The following MAEA variants were observed in gnomAD, a reference collection of about 807,000 sequenced individuals.
MAEA encodes macrophage erythroblast attacher, E3 ubiquitin ligase, also known as E3 ubiquitin-protein transferase MAEA.
Under a neutral mutation model 46.2 loss-of-function variants are expected in MAEA, and 22 were observed. That is an observed-to-expected ratio of 0.48 (90% CI 0.34 to 0.68). The LOEUF is 0.68. MAEA is among the 30% of genes least tolerant of loss of function. The probability of loss-of-function intolerance (pLI) is 0.01; values close to 1 mark genes in which losing one functional copy is unlikely to be tolerated. For synonymous variants in MAEA, 246 were observed against 222.6 expected (o/e 1.11, Z -0.94); for missense variants, 393 against 558.1 (o/e 0.70, Z 2.98).
At position 1,329,559 on chromosome 4, in the gene MAEA, G is replaced by A. The variant is rs538450563; in HGVS notation, c.656+1856G>A. On this transcript the variant is annotated intron_variant, in intron 5 of 8. Coordinates refer to ENST00000303400, the MANE Select transcript of MAEA (RefSeq NM_001017405.3). ...ATGGCAAACAACACCCCAGTGTCTC[G>A]GGGGCAGGCGCAGTGTGAGCTACAT... 68 of 985,384 alleles carry A rather than the reference G, an allele frequency of 6.9e-5. No homozygotes were observed. The South Asian group carries it at 2.2e-3, about 31-fold the overall frequency. The allele number at this position is 985,384 out of a possible 1,614,324, so 61.0% of individuals were successfully genotyped here.
rs959877439 is a variant in MAEA, at chr4:1,322,607, T to C, written c.579+104T>C. 17 of 1,498,372 alleles carry C rather than the reference T, an allele frequency of 1.1e-5. No homozygotes were observed. The African/African-American group carries it at 2.2e-4, about 20-fold the overall frequency. 92.8% of individuals were successfully genotyped at this position (1,498,372 alleles called of 1,614,324 possible). The stretch of plus-strand genomic sequence containing the variant: ...GCCTGGTGGTTCACAGTAGTTTGGT[T>C]TTGGTTTGTAAGGTGGGGGTTGGGT... On this transcript the variant is annotated intron_variant, in intron 4 of 8. Coordinates refer to ENST00000303400, the MANE Select transcript of MAEA (RefSeq NM_001017405.3).
intron 4 of MAEA, chr4:1,323,379 G>T: frequency 1.5e-6 from 1 of 658,246 alleles, no homozygotes; most frequent in South Asian, 1.6e-5. Context: ...TAACACTTCT[G>T]CCTCCATTAG....
chr4:1,335,392 A>G, intron 6 of MAEA: 1 of 985,394 alleles, frequency 1.0e-6, no homozygotes, highest in Non-Finnish European at 1.2e-6. Flanking sequence ...AGTCAGCACC[A>G]GCCCTGTGGC....
At position 1,311,138 on chromosome 4, in the gene MAEA, G is replaced by T. The variant is rs1431438400; in HGVS notation, c.70-841G>T. Among the ~76,000 whole-genome samples, 1 of 152,258 alleles carries T rather than the reference G, an allele frequency of 6.6e-6. No individual in the cohort carries two copies. The highest frequency in any genetic ancestry group is 2.4e-5 in the African/African-American group (1 of 41,480). ...GTTCTGGCACAGCTGCGACGGCAGAGTTGGGCCCACTGCTCTTGGGCGGCA... is the reference window on the plus strand; with the variant it reads ...GTTCTGGCACAGCTGCGACGGCAGATTTGGGCCCACTGCTCTTGGGCGGCA... On this transcript the variant is annotated intron_variant, in intron 1 of 8. Transcript: ENST00000303400. This position sits in a 1 kb window ranked among gnomAD's most constrained non-coding sequence, Gnocchi z 4.4.
intron 1 of MAEA, among the ~76,000 whole-genome samples, chr4:1,310,673 C>T (rs768746300): frequency 3.3e-5 from 5 of 152,300 alleles, no homozygotes; most frequent in East Asian, 3.9e-4. Flanking sequence ...CTGGTGTGGA[C>T]GAGAGCGTGT....
chr4:1,292,372 G>A (rs912734008), intron 1 of MAEA, among the ~76,000 whole-genome samples: 1 of 152,174 alleles, frequency 6.6e-6, no homozygotes, highest in Non-Finnish European at 1.5e-5. Context: ...AGGGCGGCTG[G>A]TGGGGCTCCT....
chr4:1,299,101 T>C (rs1397646641), intron 1 of MAEA, among the ~76,000 whole-genome samples: 1 of 152,120 alleles, frequency 6.6e-6, no homozygotes, highest in African/African-American at 2.4e-5. Flanking sequence ...CTGGTCTCCA[T>C]CTCTTGGGCT....
At chr4:1,330,310 T>TTCTC (rs138157261) in intron 5 of MAEA, 23 of 130,360 alleles carry the variant, frequency 1.8e-4, no homozygotes, top group South Asian at 2.2e-4. Flanking sequence ...TTCTGGGTGT[T>TTCTC]TCTCTCTCTC....
chr4:1,297,185 C>T (rs547404457), intron 1 of MAEA, among the ~76,000 whole-genome samples: 63 of 152,382 alleles, frequency 4.1e-4, no homozygotes, highest in African/African-American at 1.4e-3. Flanking sequence ...CAGTTGACAG[C>T]GATGTCCCCC....
At position 1,334,039 on chromosome 4, in the gene MAEA, CATGTGCTCA is replaced by C. The variant is rs1712329261; in HGVS notation, c.765+1175_765+1183del. Among the ~76,000 whole-genome samples the C allele has an allele frequency of 4.6e-5, 2 of 43,548 alleles. 1 individual carries two copies. The highest frequency in any genetic ancestry group is 9.2e-5 in the Non-Finnish European group (2 of 21,836). 28.6% of individuals were successfully genotyped at this position (43,548 alleles called of 152,430 possible). A position where few individuals can be genotyped will look rare whatever the true frequency, so the allele number is the denominator to read the frequency against. On this transcript the variant is annotated intron_variant, in intron 6 of 8. Transcript: ENST00000303400. Reference sequence around the variant, plus strand: ...ACCCCCATGCCCACCCCATGCCCACCATGTGCTCACCCCTGCACCCACCCCCATGCCCGT... The same window carrying C: ...ACCCCCATGCCCACCCCATGCCCACCCCCCTGCACCCACCCCCATGCCCGT...
intron 6 of MAEA, among the ~76,000 whole-genome samples, chr4:1,334,523 G>C (rs529780517): frequency 2.0e-4 from 31 of 152,366 alleles, no homozygotes; most frequent in Admixed American, 3.3e-4. Flanking sequence ...GCTCTGGAGA[G>C]GATTTTGTTA....
rs567936478 is a variant in MAEA at position 1,313,548 on chromosome 4, A to T, written c.252+1387A>T. Among the ~76,000 whole-genome samples the T allele has an allele frequency of 7.9e-5, 12 of 152,252 alleles. No homozygotes were observed. The East Asian group carries it at 2.3e-3, about 29-fold the overall frequency. ...TGAGACCAGCCTGGGCAGCACAGGG[A>T]GACCCCATCTCCACAAAACATTAAA... On this transcript the variant is annotated intron_variant, in intron 2 of 8. Transcript: ENST00000303400.
At chr4:1,293,686 C>T (rs1734338681) in intron 1 of MAEA, among the ~76,000 whole-genome samples, 1 of 152,212 alleles carries the variant, frequency 6.6e-6, no homozygotes, top group South Asian at 2.1e-4. Flanking sequence ...TCCTCTCACA[C>T]CCAAGGTGGT....
At chr4:1,298,681 C>T (rs929656339) in intron 1 of MAEA, among the ~76,000 whole-genome samples, 6 of 152,122 alleles carry the variant, frequency 3.9e-5, no homozygotes, top group Non-Finnish European at 7.4e-5. Flanking sequence ...CGTTTCCCCC[C>T]GGGCTCAGTC....
chr4:1,335,154 C>A (rs926807804), intron 6 of MAEA: 113 of 985,358 alleles, frequency 1.1e-4, no homozygotes, highest in Non-Finnish European at 1.3e-4. Context: ...GACAGACATT[C>A]ATCAGGTTTA....
chr4:1,331,062 G>A (rs559233568), intron 5 of MAEA: 94 of 152,140 alleles, frequency 6.2e-4, no homozygotes, highest in Non-Finnish European at 1.1e-3. Flanking sequence ...CCCGTTGGCC[G>A]TGTTCTGTGC....
intron 3 of MAEA, among the ~76,000 whole-genome samples, chr4:1,317,420 C>A (rs977397696): frequency 3.3e-5 from 5 of 151,334 alleles, no homozygotes; most frequent in Admixed American, 1.3e-4. Context: ...CTGGCCCCAC[C>A]CTCTTGCTGG....
chr4:1,312,309 C>T, intron 2 of MAEA, 148 bp downstream of exon 2: 1 of 819,252 alleles, frequency 1.2e-6, no homozygotes, highest in Non-Finnish European at 1.9e-6. Flanking sequence ...CCTTCTGGGG[C>T]CACTGTCGGC....
chr4:1,312,015 G>T lies in MAEA; in HGVS notation c.106G>T (p.Ala36Ser). 3 of 1,613,868 alleles carry T rather than the reference G, an allele frequency of 1.9e-6. No individual in the cohort carries two copies. The highest frequency in any genetic ancestry group is 1.1e-5 in the South Asian group (1 of 91,072). Reference sequence around the variant, plus strand: ...GACGCTGAACAAACGCTTTCGCGCCGCTCAGAAGAACATTGACCGGGAGAC... The same window carrying T: ...GACGCTGAACAAACGCTTTCGCGCCTCTCAGAAGAACATTGACCGGGAGAC... Reference protein sequence around the residue: ...YETLNKRFRAAQKNIDRETSH... With the variant: ...YETLNKRFRASQKNIDRETSH... Residue 36 changes from alanine (A) to serine (S), a missense_variant, in exon 2 of 9, where the codon GCT becomes TCT. Around this residue, in one of 2 missense-constraint regions of MAEA, gnomAD observed 358 missense variants for 537.9 expected, o/e 0.67. Coordinates refer to ENST00000303400, the MANE Select transcript of MAEA (RefSeq NM_001017405.3).
Sources: gnomAD v4.1 joint callset for allele counts (sites outside exome capture counted in the v4.1 genomes callset) on GRCh38, gnomAD v4.1.1 for gene constraint, gnomAD v4.1.1 regional missense constraint, Gnocchi (gnomAD v3.1) non-coding constraint, MANE v1.5 for transcripts, NCBI Gene and HGNC (gene_info 2026-07-23, HGNC 2026-07-21) for gene names.